The following SNAP47 variants were observed in gnomAD, a reference collection of about 807,000 sequenced individuals.
SNAP47 encodes synaptosome associated protein 47, also known as synaptosomal-associated protein 47.
In SNAP47, 20 loss-of-function variants were observed where a neutral mutation model predicts 31.4. That is an observed-to-expected ratio of 0.64 (90% confidence interval 0.45 to 0.93). SNAP47 has a LOEUF of 0.93. Ranked by LOEUF, SNAP47 falls within the 40% of genes least tolerant of loss-of-function variation. The pLI is 0.00. For synonymous variants in SNAP47, 194 were observed against 213.4 expected (o/e 0.91, Z 0.79); for missense variants, 492 against 528.5 (o/e 0.93, Z 0.68).
chr1:227,742,378 G>A (rs1661666985), intron 1 of SNAP47, among the ~76,000 whole-genome samples: 1 of 152,178 alleles, frequency 6.6e-6, no homozygotes, highest in Non-Finnish European at 1.5e-5. Context: ...GGGACCACAG[G>A]TGCACACCAG....
chr1:227,779,061 G>A (rs1367725236), intron 4 of SNAP47, among the ~76,000 whole-genome samples: 3 of 152,240 alleles, frequency 2.0e-5, no homozygotes, highest in Admixed American at 6.5e-5. Flanking sequence ...GGGCTGGGCA[G>A]CTGGCCGGGG....
In SNAP47 at chr1:227,759,187, C is replaced by T; in HGVS notation, c.690C>T (p.Leu230=). The change falls in exon 3 of 5, where the codon CTC becomes CTT. Residue 230 remains leucine, a synonymous_variant. Coordinates refer to ENST00000617596, the MANE Select transcript of SNAP47 (RefSeq NM_053052.4). ...AGTCTCACGTTAAACCAGGGAGGCT[C>T]ACCGTCCTTGTGTCTGGGTTGGAAA... The part of the protein sequence containing the change: ...RTESHVKPGR[L]TVLVSGLEIH... 1.2e-6 allele frequency: 2 copies of T among 1,614,204 alleles called. No homozygotes were observed. The highest frequency in any genetic ancestry group is 1.1e-5 in the South Asian group (1 of 91,082).
chr1:227,735,059 A>G, upstream of SNAP47: 1 of 1,559,714 alleles, frequency 6.4e-7, no homozygotes, highest in East Asian at 2.4e-5. Context: ...CGCGGGCGTC[A>G]CCCAGCGCCG....
chr1:227,745,474 CTAAA>C (rs1241076960), intron 1 of SNAP47, among the ~76,000 whole-genome samples: 1 of 152,168 alleles, frequency 6.6e-6, no homozygotes, highest in East Asian at 1.9e-4. Context: ...CATTTGCTGC[CTAAA>C]TACTTAGTGG....
At chr1:227,773,021 C>T (rs1049011117) in intron 4 of SNAP47, among the ~76,000 whole-genome samples, 1 of 152,042 alleles carries the variant, frequency 6.6e-6, no homozygotes, top group Admixed American at 6.6e-5. Flanking sequence ...AGTGCAGTGG[C>T]ATGATCTCGG....
intron 4 of SNAP47, among the ~76,000 whole-genome samples, chr1:227,770,038 G>A (rs1663693782): frequency 6.6e-6 from 1 of 152,200 alleles, no homozygotes; most frequent in Non-Finnish European, 1.5e-5. Context: ...TGGGAAAGAA[G>A]CCTGCTGCAC....
upstream of SNAP47, chr1:227,735,067 C>T (rs1401875460): frequency 6.4e-7 from 1 of 1,558,856 alleles, no homozygotes; most frequent in Non-Finnish European, 8.7e-7. Flanking sequence ...TCACCCAGCG[C>T]CGCCGGCTGC....
chr1:227,732,926 G>C, upstream of SNAP47: 1 of 1,613,080 alleles, frequency 6.2e-7, no homozygotes, highest in Non-Finnish European at 8.5e-7. Flanking sequence ...TCCACTCGCT[G>C]ACCTCCTCCT....
intron 4 of SNAP47, among the ~76,000 whole-genome samples, chr1:227,774,044 C>T (rs1664004720): frequency 6.6e-6 from 1 of 152,202 alleles, no homozygotes; most frequent in South Asian, 2.1e-4. Context: ...TTGGAGGAGA[C>T]ACCTGCTGTG....
At chr1:227,780,457 G>A in intron 4 of SNAP47, 70 bp from the exon 5 acceptor site, 14 of 1,595,582 alleles carry the variant, frequency 8.8e-6, no homozygotes, top group Non-Finnish European at 1.1e-5. Flanking sequence ...TGTGTGAGAG[G>A]GGGAGATGTT....
intron 4 of SNAP47, among the ~76,000 whole-genome samples, chr1:227,775,464 G>A (rs1443657919): frequency 6.6e-6 from 1 of 152,172 alleles, no homozygotes; most frequent in East Asian, 1.9e-4. Context: ...GTGATGTGCC[G>A]CACTCCGGCG....
At chr1:227,777,441 G>A (rs1403475371) in intron 4 of SNAP47, among the ~76,000 whole-genome samples, 3 of 152,152 alleles carry the variant, frequency 2.0e-5, no homozygotes, top group Admixed American at 6.5e-5. Context: ...CCAGGTGGAC[G>A]GGCTTCATGC....
chr1:227,764,050 G>A (rs1447098371), intron 3 of SNAP47, among the ~76,000 whole-genome samples: 2 of 152,216 alleles, frequency 1.3e-5, no homozygotes, highest in East Asian at 1.9e-4. Context: ...AGGCCAGCAA[G>A]GCTGTGCATA....
intron 3 of SNAP47, 90 bp from the exon 4 acceptor site, chr1:227,766,869 G>A (rs1572038127): frequency 9.0e-6 from 14 of 1,554,066 alleles, no homozygotes; most frequent in South Asian, 5.9e-5. Context: ...GAGGAACACC[G>A]CCTCAAAGAC....
Position 227,735,475 on chromosome 1 carries a change from C to T in SNAP47, c.-70C>T, listed in dbSNP as rs756332010. 5 of 1,429,700 alleles carry T rather than the reference C, an allele frequency of 3.5e-6. No individual in the cohort carries two copies. Among genetic ancestry groups the T allele is most frequent in the South Asian group, 3.0e-5 (2 of 65,682 alleles). 88.6% of individuals were successfully genotyped at this position (1,429,700 alleles called of 1,614,324 possible). A position where few individuals can be genotyped will look rare whatever the true frequency, so the allele number is the denominator to read the frequency against. The stretch of plus-strand genomic sequence containing the variant: ...AGCGGCCGAGGCGCCGCGGTCGGCT[C>T]TGGGACTCGTCTGGCGTCCCTCAGG... On this transcript the variant is annotated 5_prime_UTR_variant, in exon 1 of 5. Coordinates refer to ENST00000617596, the MANE Select transcript of SNAP47 (RefSeq NM_053052.4).
chr1:227,733,981 G>C (rs775524177), upstream of SNAP47: 3 of 1,613,834 alleles, frequency 1.9e-6, no homozygotes, highest in South Asian at 2.2e-5. Context: ...CATTCAGCCA[G>C]TCGGACGAGA....
chr1:227,762,616 C>A lies in SNAP47; in HGVS notation c.988+3131C>A, dbSNP rs1029678687. On this transcript the variant is annotated intron_variant, in intron 3 of 4. Transcript: ENST00000617596. This position sits in a 1 kb window ranked among gnomAD's most constrained non-coding sequence, Gnocchi z 4.2. ...GTGTGGCCACAGGGTGGCAGCCTCG[C>A]GACACCGGATGGGCGCTTGTCAGGG... Among the ~76,000 whole-genome samples the A allele has an allele frequency of 7.9e-5, 12 of 152,090 alleles. No individual in the cohort carries two copies. The highest frequency in any genetic ancestry group is 2.7e-4 in the African/African-American group (11 of 41,422).
At position 227,748,122 on chromosome 1, in the gene SNAP47, C is replaced by G; in HGVS notation, c.386C>G (p.Ser129Cys). 6.2e-7 allele frequency: 1 copy of G among 1,613,994 alleles called. No homozygotes were observed. Among genetic ancestry groups the G allele is most frequent in the Non-Finnish European group, 8.5e-7 (1 of 1,180,020 alleles). The change falls in exon 2 of 5, where the codon TCC (serine) becomes TGC (cysteine). Residue 129 changes from serine to cysteine, a missense_variant. Coordinates refer to ENST00000617596, the MANE Select transcript of SNAP47 (RefSeq NM_053052.4). ...GAGCTGACGGGACTCATGGCTGGAT[C>G]CCAGAAACGCCTGGAGGACACGGCG... is the stretch of plus-strand genomic sequence containing the variant. ...GEELTGLMAG[S>C]QKRLEDTARV...
chr1:227,735,273 T>C (rs750988731), upstream of SNAP47: 29 of 1,606,568 alleles, frequency 1.8e-5, no homozygotes, highest in Non-Finnish European at 2.3e-5. Flanking sequence ...TCGCGGTCCA[T>C]CCAGCTCAGC....
Sources: allele counts gnomAD v4.1 joint callset (sites outside exome capture counted in the v4.1 genomes callset), GRCh38; gene constraint gnomAD v4.1.1; non-coding constraint Gnocchi (gnomAD v3.1); transcripts MANE v1.5; gene names NCBI Gene and HGNC (gene_info 2026-07-23, HGNC 2026-07-21).